SGCZ: variants seen among roughly 807,000 people sequenced by gnomAD.
The protein encoded by SGCZ is zeta-sarcoglycan.
Under a neutral mutation model 41.3 loss-of-function variants are expected in SGCZ, and 40 were observed. That is an observed-to-expected ratio of 0.97 (90% CI 0.75 to 1.26). The LOEUF (loss-of-function observed/expected upper bound fraction) is 1.26, where lower values mean the gene tolerates loss of function less well. Ranked by LOEUF, SGCZ falls within the 50% of genes most tolerant of loss-of-function variation. The pLI is 0.00. For missense variants in SGCZ, 552 were observed against 369.8 expected (o/e 1.49, Z -4.04); for synonymous variants, 206 against 137.5 (o/e 1.50, Z -3.49).
intron 2 of SGCZ, among the ~76,000 whole-genome samples, chr8:14,423,607 G>T (rs1226536242): frequency 2.0e-5 from 3 of 151,976 alleles, no homozygotes; most frequent in Non-Finnish European, 4.4e-5. Context: ...GTAGAGACAG[G>T]GTTTCTCCGT....
intron 1 of SGCZ, among the ~76,000 whole-genome samples, chr8:14,732,626 T>G (rs1798897892): frequency 6.6e-6 from 1 of 152,184 alleles, no homozygotes; most frequent in African/African-American, 2.4e-5. Flanking sequence ...ATTAGAAGAC[T>G]GAGCTGCTGT....
intron 1 of SGCZ, among the ~76,000 whole-genome samples, chr8:15,070,762 A>G (rs778275990): frequency 6.6e-5 from 10 of 152,222 alleles, no homozygotes; most frequent in Admixed American, 2.0e-4. Flanking sequence ...CAAACAGGAT[A>G]TAGTCTTCTA....
At chr8:14,531,259 C>T (rs943855521) in intron 2 of SGCZ, among the ~76,000 whole-genome samples, 14 of 134,594 alleles carry the variant, frequency 1.0e-4, no homozygotes, top group African/African-American at 3.8e-4. Context: ...GATTCAGCCT[C>T]TTAACTGGCA....
intron 3 of SGCZ, among the ~76,000 whole-genome samples, chr8:14,264,074 C>T (rs1275196714): frequency 6.6e-6 from 1 of 152,194 alleles, no homozygotes; most frequent in Admixed American, 6.5e-5. Context: ...CATGTTCCAG[C>T]CAGCACTACC....
intron 1 of SGCZ, among the ~76,000 whole-genome samples, chr8:14,602,099 G>A (rs1027966053): frequency 2.0e-5 from 3 of 151,674 alleles, no homozygotes; most frequent in Non-Finnish European, 4.4e-5. Context: ...CAGCCTGGGC[G>A]ACAGAGCGAG....
At chr8:14,780,092 G>A (rs547006568) in intron 1 of SGCZ, among the ~76,000 whole-genome samples, 6 of 151,966 alleles carry the variant, frequency 3.9e-5, no homozygotes, top group African/African-American at 1.5e-4. Context: ...AGAAAAATAC[G>A]GCCGGGCGCA....
chr8:14,095,375 T>G (rs1216832375), intron 7 of SGCZ, among the ~76,000 whole-genome samples: 1 of 152,210 alleles, frequency 6.6e-6, no homozygotes, highest in Non-Finnish European at 1.5e-5. Context: ...ATTTATTAAA[T>G]AGGGAATCCT....
At chr8:14,914,358 C>A (rs537336442) in intron 1 of SGCZ, among the ~76,000 whole-genome samples, 2 of 152,126 alleles carry the variant, frequency 1.3e-5, no homozygotes. Flanking sequence ...ACTCCTAATT[C>A]TTTCTCACAA....
At chr8:14,837,928 C>A (rs1371039458) in intron 1 of SGCZ, among the ~76,000 whole-genome samples, 5 of 152,032 alleles carry the variant, frequency 3.3e-5, no homozygotes, top group Non-Finnish European at 7.4e-5. Flanking sequence ...TAGAAACATT[C>A]CAATTCCACT....
intron 1 of SGCZ, among the ~76,000 whole-genome samples, chr8:14,727,623 G>A (rs560084114): frequency 1.6e-4 from 24 of 151,254 alleles, no homozygotes; most frequent in Middle Eastern, 3.4e-3. Context: ...CCATTCTCCT[G>A]CCTGAGCCTC....
In SGCZ at chr8:14,332,023, A is replaced by C. The variant is rs569053001; in HGVS notation, c.235-7819T>G. Among the ~76,000 whole-genome samples, 9 of 152,160 alleles carry C rather than the reference A, an allele frequency of 5.9e-5. No individual in the cohort carries two copies. In the East Asian group the frequency reaches 1.5e-3, roughly 26 times the overall value. On this transcript the variant is annotated intron_variant, in intron 2 of 7. Coordinates refer to ENST00000382080, the MANE Select transcript of SGCZ (RefSeq NM_139167.4). ...ATATAAATACATATTTCCCTTATAC[A>C]TATCCTTATTCTAAGTATTACCCAA...
chr8:14,318,389 A>T (rs1801789065), intron 3 of SGCZ, among the ~76,000 whole-genome samples: 2 of 151,996 alleles, frequency 1.3e-5, no homozygotes, highest in Non-Finnish European at 2.9e-5. Context: ...ATTTCATAAT[A>T]CAAGTTTATG....
chr8:14,922,500 G>C (rs1799618382), intron 1 of SGCZ, among the ~76,000 whole-genome samples: 1 of 151,854 alleles, frequency 6.6e-6, no homozygotes, highest in Admixed American at 6.6e-5. Flanking sequence ...TGTTGCCCAG[G>C]CTGGAGTGCA....
intron 5 of SGCZ, among the ~76,000 whole-genome samples, chr8:14,113,782 C>A (rs1355198269): frequency 6.6e-6 from 1 of 151,978 alleles, no homozygotes; most frequent in Non-Finnish European, 1.5e-5. Flanking sequence ...TTTAAGAACC[C>A]AGTGTCTGTA....
intron 4 of SGCZ, among the ~76,000 whole-genome samples, chr8:14,177,446 T>G (rs545723831): frequency 2.0e-5 from 3 of 152,334 alleles, no homozygotes; most frequent in African/African-American, 7.2e-5. Flanking sequence ...CTCAAACGGT[T>G]AACCTACAAG....
At chr8:14,728,504 C>A (rs1373854807) in intron 1 of SGCZ, among the ~76,000 whole-genome samples, 5 of 151,492 alleles carry the variant, frequency 3.3e-5, no homozygotes, top group Non-Finnish European at 5.9e-5. Flanking sequence ...TGGAAAAAGA[C>A]ACGAAAATGA....
chr8:14,217,059 G>T (rs1806019385), intron 4 of SGCZ, among the ~76,000 whole-genome samples: 1 of 151,542 alleles, frequency 6.6e-6, no homozygotes, highest in African/African-American at 2.4e-5. Context: ...AGGCCGAGGT[G>T]GGTGGATCAC....
intron 1 of SGCZ, among the ~76,000 whole-genome samples, chr8:14,668,653 G>T (rs1043051249): frequency 1.3e-5 from 2 of 151,994 alleles, no homozygotes; most frequent in Admixed American, 1.3e-4. Context: ...TATGACTCTA[G>T]GCTGAAGTTA....
At chr8:14,807,720 G>GA (rs1422692835) in intron 1 of SGCZ, among the ~76,000 whole-genome samples, 19 of 151,556 alleles carry the variant, frequency 1.3e-4, no homozygotes, top group Non-Finnish European at 2.5e-4. Context: ...CACAGAATTG[G>GA]AAAAAACTAC....
Sources: gnomAD v4.1 joint callset for allele counts (sites outside exome capture counted in the v4.1 genomes callset) on GRCh38, gnomAD v4.1.1 for gene constraint, MANE v1.5 for transcripts, NCBI Gene and HGNC (gene_info 2026-07-23, HGNC 2026-07-21) for gene names.